PTPRO: variants seen among roughly 807,000 people sequenced by gnomAD.
PTPRO encodes the protein receptor-type tyrosine-protein phosphatase O.
In PTPRO, 62 loss-of-function variants were observed where a neutral mutation model predicts 145.2. That is an observed-to-expected ratio of 0.43 (90% CI 0.35 to 0.53). The LOEUF (loss-of-function observed/expected upper bound fraction) is 0.53, where lower values mean the gene tolerates loss of function less well. Ranked by LOEUF, PTPRO falls within the 20% of genes least tolerant of loss-of-function variation. The pLI, the probability that PTPRO is intolerant of heterozygous loss-of-function variation, is 0.01. For synonymous variants in PTPRO, 565 were observed against 514.7 expected, an observed-to-expected ratio of 1.10 and a Z score of -1.32; for missense variants, 1,345 against 1,482.7, an observed-to-expected ratio of 0.91 and a Z score of 1.53.
chr12:15,575,764 C>T (rs60134815), intron 19 of PTPRO, among the ~76,000 whole-genome samples: 6,628 of 152,260 alleles, frequency 0.044, 437 homozygotes, highest in African/African-American at 0.15. Flanking sequence ...AAGGTGTCAG[C>T]AGGGCCACAC....
At chr12:15,325,210 G>A (rs1866412632) in intron 1 of PTPRO, among the ~76,000 whole-genome samples, 1 of 152,132 alleles carries the variant, frequency 6.6e-6, no homozygotes, top group Admixed American at 6.5e-5. Flanking sequence ...AAATAAGACA[G>A]AGAAATTCAA....
At chr12:15,450,411 T>C (rs1381628609) in intron 1 of PTPRO, among the ~76,000 whole-genome samples, 1 of 152,238 alleles carries the variant, frequency 6.6e-6, no homozygotes, top group Non-Finnish European at 1.5e-5. Context: ...TTGACTACTT[T>C]ATAGAAAGCT....
chr12:15,364,047 G>C (rs1938287164), intron 1 of PTPRO, among the ~76,000 whole-genome samples: 1 of 152,128 alleles, frequency 6.6e-6, no homozygotes. Flanking sequence ...GTTAAATCTA[G>C]ATTACTTTCA....
Position 15,568,246 on chromosome 12 carries a change from A to G in PTPRO, c.2748-1171A>G, listed in dbSNP as rs532333418. On this transcript the variant is annotated intron_variant, in intron 18 of 26. Coordinates refer to ENST00000281171, the MANE Select transcript of PTPRO (RefSeq NM_030667.3). The stretch of plus-strand genomic sequence containing the variant: ...GGATTTCAAGACCACCTTGGACAAC[A>G]TGGTGAAACCAAATCTCTACTAAAA... 3.3e-5 allele frequency among the ~76,000 whole-genome samples: 5 copies of G among 151,552 alleles called. No individual in the cohort carries two copies. In the South Asian group the frequency reaches 8.4e-4, roughly 25 times the overall value.
chr12:15,337,494 T>C (rs1315713791), intron 1 of PTPRO: 1 of 152,180 alleles, frequency 6.6e-6, no homozygotes, highest in East Asian at 1.9e-4. Flanking sequence ...CAAACACGTT[T>C]TGTGCAGTAT....
intron 1 of PTPRO, among the ~76,000 whole-genome samples, chr12:15,409,243 T>G (rs1365225953): frequency 6.6e-6 from 1 of 152,170 alleles, no homozygotes; most frequent in Non-Finnish European, 1.5e-5. Flanking sequence ...TTACCCAAGG[T>G]GTTGCAACTT....
intron 12 of PTPRO, among the ~76,000 whole-genome samples, chr12:15,540,115 T>C (rs1943151809): frequency 6.6e-6 from 1 of 152,202 alleles, no homozygotes; most frequent in Non-Finnish European, 1.5e-5. Context: ...GAATAATTTC[T>C]ATACCTCTTG....
chr12:15,325,441 A>T (rs912243128), intron 1 of PTPRO, among the ~76,000 whole-genome samples: 1 of 152,222 alleles, frequency 6.6e-6, no homozygotes, highest in Non-Finnish European at 1.5e-5. Context: ...GACTGTCTAA[A>T]TCATTCACTG....
intron 1 of PTPRO, among the ~76,000 whole-genome samples, chr12:15,429,164 A>T (rs1222017539): frequency 6.6e-6 from 1 of 152,176 alleles, no homozygotes; most frequent in Non-Finnish European, 1.5e-5. Context: ...ATCCATTCCA[A>T]AGACATCCGT....
chr12:15,389,088 C>T (rs1047317447), intron 1 of PTPRO, among the ~76,000 whole-genome samples: 10 of 150,534 alleles, frequency 6.6e-5, no homozygotes, highest in African/African-American at 2.2e-4. Context: ...GACCCTGTCT[C>T]GAAAATAAAT....
Position 15,374,538 on chromosome 12 carries a change from G to A in PTPRO, c.75+51737G>A, listed in dbSNP as rs1397897185. Reference sequence around the variant, plus strand: ...CAACAGTCTTGGAGCACTGGAGGGGGCAGTCCAATTTTGGAACTCCTCAAA... The same window carrying A: ...CAACAGTCTTGGAGCACTGGAGGGGACAGTCCAATTTTGGAACTCCTCAAA... On this transcript the variant is annotated intron_variant, in intron 1 of 26. Coordinates refer to ENST00000281171, the MANE Select transcript of PTPRO (RefSeq NM_030667.3). Among the ~76,000 whole-genome samples the A allele has an allele frequency of 2.6e-5, 4 of 152,200 alleles. No individual in the cohort carries two copies. The South Asian group carries it at 8.3e-4, about 32-fold the overall frequency.
At chr12:15,469,763 C>A (rs1048094745) in intron 1 of PTPRO, among the ~76,000 whole-genome samples, 4 of 86,216 alleles carry the variant, frequency 4.6e-5, no homozygotes, top group African/African-American at 1.4e-4. Flanking sequence ...GCGTTAGTGT[C>A]CTGACAAAAA....
intron 6 of PTPRO, 117 bp downstream of exon 6, chr12:15,504,186 C>T: frequency 8.6e-7 from 1 of 1,163,626 alleles, no homozygotes; most frequent in Non-Finnish European, 1.2e-6. Flanking sequence ...GAGAAGTCTT[C>T]AAGATCAGGA....
chr12:15,545,139 A>G (rs765866215), intron 12 of PTPRO, among the ~76,000 whole-genome samples: 2 of 152,234 alleles, frequency 1.3e-5, no homozygotes, highest in Non-Finnish European at 2.9e-5. Flanking sequence ...AAAGATGTGT[A>G]CCTGTCAAAG....
intron 6 of PTPRO, among the ~76,000 whole-genome samples, chr12:15,505,066 A>G (rs1942294891): frequency 6.6e-6 from 1 of 152,216 alleles, no homozygotes; most frequent in Non-Finnish European, 1.5e-5. Context: ...ATTACTTAAG[A>G]AAGAGGACAA....
chr12:15,522,871 G>A (rs904477153), intron 10 of PTPRO, among the ~76,000 whole-genome samples: 1 of 152,166 alleles, frequency 6.6e-6, no homozygotes, highest in African/African-American at 2.4e-5. Flanking sequence ...TTCTGGGTTT[G>A]CAATTTTAAA....
intron 2 of PTPRO, among the ~76,000 whole-genome samples, chr12:15,485,782 T>C (rs1434988093): frequency 1.3e-5 from 2 of 152,172 alleles, no homozygotes; most frequent in African/African-American, 4.8e-5. Flanking sequence ...TTGCAATGAG[T>C]TCCATTCAAA....
chr12:15,372,830 G>A (rs1223469944), intron 1 of PTPRO, among the ~76,000 whole-genome samples: 2 of 152,244 alleles, frequency 1.3e-5, no homozygotes, highest in Middle Eastern at 3.4e-3. Flanking sequence ...ATAGTAGACT[G>A]AGAATAAATA....
At chr12:15,356,968 C>T (rs1159844883) in intron 1 of PTPRO, among the ~76,000 whole-genome samples, 1 of 152,054 alleles carries the variant, frequency 6.6e-6, no homozygotes, top group Non-Finnish European at 1.5e-5. Flanking sequence ...TGCCTTGTTG[C>T]CTTCATTCTA....
Sources: allele counts gnomAD v4.1 joint callset (sites outside exome capture counted in the v4.1 genomes callset), GRCh38; gene constraint gnomAD v4.1.1; transcripts MANE v1.5; gene names NCBI Gene and HGNC (gene_info 2026-07-23, HGNC 2026-07-21).